Variants in DHPS observed in about 807,000 individuals in gnomAD.
DHPS encodes the protein migration-inducing gene 13.
In DHPS, 24 loss-of-function variants were observed where a neutral mutation model predicts 38.7. The ratio of observed to expected loss-of-function variants is 0.62; its 90% confidence interval spans 0.45 to 0.87. DHPS has a LOEUF of 0.87. Ranked by LOEUF, DHPS falls within the 40% of genes least tolerant of loss-of-function variation. The pLI is 0.00. For missense variants in DHPS, 510 were observed against 497.6 expected (o/e 1.02, Z -0.24); for synonymous variants, 250 against 204.4 (o/e 1.22, Z -1.90).
At position 12,681,152 on chromosome 19, in the gene DHPS, T is replaced by A. The variant is rs1201792060; in HGVS notation, c.207+408A>T. ...CAGCCAGCCCCCACCCTTTTAGGAA[T>A]CAGAGAGCATCTCCTTTCAGATCCG... On this transcript the variant is annotated intron_variant, in intron 1 of 8. Coordinates refer to ENST00000210060, the MANE Select transcript of DHPS (RefSeq NM_001930.4). 4 of 1,278,686 alleles carry A rather than the reference T, an allele frequency of 3.1e-6. No individual in the cohort carries two copies. In the South Asian group the frequency reaches 5.1e-5, roughly 16 times the overall value. The allele number at this position is 1,278,686 out of a possible 1,614,324, so 79.2% of individuals were successfully genotyped here.
chr19:12,674,205 T>C (rs2024504641), downstream of DHPS, among the ~76,000 whole-genome samples: 2 of 152,212 alleles, frequency 1.3e-5, no homozygotes, highest in Admixed American at 1.3e-4. Flanking sequence ...CCGACGGCCA[T>C]GTCTAACCTT....
chr19:12,672,828 G>A (rs1443805203), downstream of DHPS: 2 of 1,568,000 alleles, frequency 1.3e-6, no homozygotes, highest in South Asian at 1.2e-5. Flanking sequence ...GTTCCCGCTG[G>A]ATCTACCCTC....
At chr19:12,673,132 C>A (rs760989694), downstream of DHPS, 2 of 1,611,856 alleles carry the variant, frequency 1.2e-6, no homozygotes, top group Admixed American at 1.7e-5. Context: ...TCCTTGTGGT[C>A]GTGGGGATCC....
At chr19:12,677,071 T>C (rs780680937) in intron 7 of DHPS, 37 bp downstream of exon 7, 5 of 1,575,368 alleles carry the variant, frequency 3.2e-6, no homozygotes, top group Non-Finnish European at 4.4e-6. Context: ...CCACACAGCA[T>C]GTCTGCAGAG....
rs933731771 is a variant in DHPS at position 12,679,529 on chromosome 19, C to T, written c.606G>A (p.Thr202=). The change falls in exon 5 of 9, where the codon ACG becomes ACA. Residue 202 remains threonine (T), a synonymous_variant. Coordinates refer to ENST00000210060, the MANE Select transcript of DHPS (RefSeq NM_001930.4). The stretch of plus-strand genomic sequence containing the variant: ...CCAGCCGGGCGATCATCTTAGAAGG[C>T]GTCCACTTTACACCCTAGGAGAGGA... ...MEQNTEGVKW[T]PSKMIARLGK... is the part of the protein sequence containing the mutation. 3 of 1,614,052 alleles carry T rather than the reference C, an allele frequency of 1.9e-6. No homozygotes were observed. The highest frequency in any genetic ancestry group is 1.6e-4 in the Middle Eastern group (1 of 6,084).
chr19:12,679,800 C>T lies in DHPS; in HGVS notation c.494+1G>A. Reference sequence around the variant, plus strand: ...TGCCCAACACCACTCAGGGTTCTCACCTATTGATCCCGTTCTCCCGGAGCT... The same window carrying T: ...TGCCCAACACCACTCAGGGTTCTCATCTATTGATCCCGTTCTCCCGGAGCT... On this transcript the variant is annotated splice_donor_variant, in intron 3 of 8. Transcript: ENST00000210060. LOFTEE classifies it high-confidence loss of function. 1 of 1,614,070 alleles carries T rather than the reference C, an allele frequency of 6.2e-7. No homozygotes were observed. Among genetic ancestry groups the T allele is most frequent in the Non-Finnish European group, 8.5e-7 (1 of 1,179,952 alleles).
downstream of DHPS, chr19:12,672,482 C>T (rs2024452274): frequency 6.8e-6 from 2 of 293,016 alleles, no homozygotes; most frequent in South Asian, 6.6e-5. Context: ...GTGGTGCATG[C>T]CTGTATTCCC....
Position 12,679,713 on chromosome 19 carries a change from T to A in DHPS, c.501A>T (p.Gly167=). The A allele has an allele frequency of 6.2e-7, 1 of 1,614,194 alleles. No homozygotes were observed. Among genetic ancestry groups the A allele is most frequent in the South Asian group, 1.1e-5 (1 of 91,088 alleles). The change falls in exon 4 of 9, where the codon GGA becomes GGT. Residue 167 remains glycine, a synonymous_variant. Coordinates refer to ENST00000210060, the MANE Select transcript of DHPS (RefSeq NM_001930.4). ...AATTCTCATTGGGCACCAGCAGGTT[T>A]CCGATCCTGAGAACAGGAGGCATGT... ...ELRENGINRI[G]NLLVPNENYC... is the part of the protein sequence containing the mutation.
At chr19:12,680,358 G>A (rs1313748084) in intron 1 of DHPS, 33 bp from the exon 2 acceptor site, 3 of 1,612,486 alleles carry the variant, frequency 1.9e-6, no homozygotes, top group Middle Eastern at 1.7e-4. Flanking sequence ...GTTAAGCACT[G>A]GCCTTAAATC....
chr19:12,676,154 CG>C lies in DHPS; in HGVS notation c.889-13del. On this transcript the variant is annotated splice_polypyrimidine_tract_variant and intron_variant, in intron 7 of 8. Transcript: ENST00000210060. ...TCGGCCCCGTTCCGCTGTGGGGAGG[CG>C]GGGGCACGGTGGGCCCAGTCAGCCA... The C allele has an allele frequency of 1.9e-6, 3 of 1,598,354 alleles. No homozygotes were observed. The highest frequency in any genetic ancestry group is 2.2e-5 in the East Asian group (1 of 44,622).
At chr19:12,675,630 C>G, downstream of DHPS, 1 of 1,602,718 alleles carries the variant, frequency 6.2e-7, no homozygotes, top group African/African-American at 1.3e-5. Context: ...GCGTCCAGTG[C>G]TGGCGAGAGG....
At position 12,676,064 on chromosome 19, in the gene DHPS, C is replaced by T. The variant is rs760909359; in HGVS notation, c.967G>A (p.Glu323Lys). The change falls in exon 8 of 9, where the codon GAG (glutamate) becomes AAG (lysine). Residue 323 changes from glutamate to lysine, a missense_variant. Transcript: ENST00000210060. ...CGGATCTTGCCCCAGGAGACAGCCT[C>T]GTCTGGTCGGGCACCTGAGTCAGAG... Reference protein sequence around the residue: ...DGSDSGARPDEAVSWGKIRVD... With the variant: ...DGSDSGARPDKAVSWGKIRVD... 6.2e-7 allele frequency: 1 copy of T among 1,614,112 alleles called. No homozygotes were observed.
chr19:12,679,265 T>C (rs949363317), intron 5 of DHPS, among the ~76,000 whole-genome samples, 192 bp downstream of exon 5: 2 of 151,238 alleles, frequency 1.3e-5, no homozygotes, highest in Non-Finnish European at 2.9e-5. Flanking sequence ...ACCACTGCAC[T>C]CCAGCCTAGG....
At position 12,681,662 on chromosome 19, in the gene DHPS, G is replaced by A. The variant is rs750289038; in HGVS notation, c.105C>T (p.Asp35=). 1.2e-6 allele frequency: 2 copies of A among 1,614,230 alleles called. No homozygotes were observed. The highest frequency in any genetic ancestry group is 1.3e-5 in the African/African-American group (1 of 75,078). ...CGCGGTAATTCACACCGCGGTTGAA[G>A]TCGTAGCCCCGGACCTGGGTGCTTT... is the stretch of plus-strand genomic sequence containing the variant. ...PPESTQVRGY[D]FNRGVNYRAL... The change falls in exon 1 of 9, where the codon GAC becomes GAT. Residue 35 remains aspartate, a synonymous_variant. Transcript: ENST00000210060.
chr19:12,679,400 T>C (rs942301537), intron 5 of DHPS, 57 bp downstream of exon 5: 21 of 1,503,322 alleles, frequency 1.4e-5, no homozygotes, highest in Middle Eastern at 3.4e-4. Flanking sequence ...GCTGGAAAGA[T>C]GAAATAAGTT....
intron 3 of DHPS, 22 bp from the exon 4 acceptor site, chr19:12,679,741 G>A (rs1555713678): frequency 3.7e-6 from 6 of 1,614,162 alleles, no homozygotes; most frequent in Non-Finnish European, 5.1e-6. Flanking sequence ...AGGCATGTAG[G>A]CATCAGGCCC....
At chr19:12,678,662 AGGAGGGTGAGGCG>A (rs2024695039) in intron 5 of DHPS, among the ~76,000 whole-genome samples, 1 of 149,120 alleles carries the variant, frequency 6.7e-6, no homozygotes, top group Non-Finnish European at 1.5e-5. Context: ...CCAGCTACTC[AGGAGGGTGAGGCG>A]GGAGAATCAC....
rs1256553284 is a variant in DHPS, at chr19:12,676,001, C to T, written c.1014+16G>A. 1 of 1,611,822 alleles carries T rather than the reference C, an allele frequency of 6.2e-7. No individual in the cohort carries two copies. Among genetic ancestry groups the T allele is most frequent in the Non-Finnish European group, 8.5e-7 (1 of 1,178,512 alleles). ...ATCGTCCCAGAGACCCTATGCCCCA[C>T]CCAGCCAGCGCTTACCTTGACGGGC... On this transcript the variant is annotated intron_variant, in intron 8 of 8. Transcript: ENST00000210060.
Position 12,679,884 on chromosome 19 carries a change from T to G in DHPS, c.411A>C (p.Glu137Asp). 1 of 1,614,102 alleles carries G rather than the reference T, an allele frequency of 6.2e-7. No individual in the cohort carries two copies. Among genetic ancestry groups the G allele is most frequent in the Non-Finnish European group, 8.5e-7 (1 of 1,180,010 alleles). ...VLVTTAGGVE[E>D]DLIKCLAPTY... ...TGGGCGCCAGGCACTTGATGAGGTC[T>G]TCCTCCACGCCGCCAGCTGTGGTCA... is the stretch of plus-strand genomic sequence containing the variant. Residue 137 changes from glutamate (E) to aspartate (D), a missense_variant, in exon 3 of 9, where the codon GAA becomes GAC. By Grantham distance (45) the Glu-to-Asp change is conservative. Coordinates refer to ENST00000210060, the MANE Select transcript of DHPS (RefSeq NM_001930.4).
Sources: allele counts gnomAD v4.1 joint callset (sites outside exome capture counted in the v4.1 genomes callset), GRCh38; gene constraint gnomAD v4.1.1; transcripts MANE v1.5; gene names NCBI Gene and HGNC (gene_info 2026-07-23, HGNC 2026-07-21).